The following SPTB variants were observed in gnomAD, a reference collection of about 807,000 sequenced individuals.
The protein encoded by SPTB is spectrin beta chain, erythrocytic.
SPTB carries 45 observed loss-of-function variants against 256.2 expected under a neutral mutation model. The ratio of observed to expected loss-of-function variants is 0.18; its 90% CI spans 0.14 to 0.23. The LOEUF (loss-of-function observed/expected upper bound fraction) is 0.23. Ranked by LOEUF, SPTB falls within the 10% of genes least tolerant of loss-of-function variation. SPTB has a pLI of 1.00. For synonymous variants in SPTB, 1,231 were observed against 1,243.1 expected, an observed-to-expected ratio of 0.99 and a Z score of 0.21; for missense variants, 2,715 against 3,040.4, an observed-to-expected ratio of 0.89 and a Z score of 2.52.
chr14:64,849,238 C>A (rs773549955), intron 1 of SPTB, among the ~76,000 whole-genome samples: 25 of 152,130 alleles, frequency 1.6e-4, no homozygotes, highest in Admixed American at 3.3e-4. Context: ...AAACACATAT[C>A]CTCAATTGGC....
intron 3 of SPTB, among the ~76,000 whole-genome samples, chr14:64,804,096 T>C (rs1195031200): frequency 2.6e-5 from 4 of 152,226 alleles, no homozygotes; most frequent in African/African-American, 9.6e-5. Context: ...CCTTACCATG[T>C]GCCAGGCACA....
At chr14:64,787,737 AT>A (rs1433681857) in intron 15 of SPTB, among the ~76,000 whole-genome samples, 1 of 152,268 alleles carries the variant, frequency 6.6e-6, no homozygotes, top group Non-Finnish European at 1.5e-5. Context: ...AGTGACTAGC[AT>A]AATCTTAACC....
chr14:64,796,940 C>A lies in SPTB; in HGVS notation c.1183-225G>T, dbSNP rs193259708. Among the ~76,000 whole-genome samples the A allele has an allele frequency of 2.6e-5, 4 of 152,218 alleles. No homozygotes were observed. Among genetic ancestry groups the A allele is most frequent in the Admixed American group, 2.6e-4 (4 of 15,294 alleles). Reference sequence around the variant, plus strand: ...TGCTCATGAGTCTCACTTCCCTCTTCCCCTAAACCTGCCTCAGACTCTTGG... The same window carrying A: ...TGCTCATGAGTCTCACTTCCCTCTTACCCTAAACCTGCCTCAGACTCTTGG... On this transcript the variant is annotated intron_variant, in intron 10 of 35. Coordinates refer to ENST00000644917, the MANE Select transcript of SPTB (RefSeq NM_001355436.2). This position sits in a 1 kb window ranked among gnomAD's most constrained non-coding sequence, Gnocchi z 4.1.
Position 64,809,262 on chromosome 14 carries a change from CAAA to C in SPTB, c.149-4175_149-4173del, listed in dbSNP as rs57245539. On this transcript the variant is annotated intron_variant, in intron 2 of 35. Transcript: ENST00000644917. The stretch of plus-strand genomic sequence containing the variant: ...GGGCAACAACAGCGAAACTTTGTAT[CAAA>C]AAAAAAAAAAAAAAAAAAGGCCAAA... Among the ~76,000 whole-genome samples, 390 of 91,028 alleles carry C rather than the reference CAAA, an allele frequency of 4.3e-3. 3 individuals are homozygous for C. Among genetic ancestry groups the C allele is most frequent in the Middle Eastern group, 0.011 (2 of 182 alleles). The allele number at this position is 91,028 out of a possible 152,430, so 59.7% of individuals were successfully genotyped here.
Position 64,826,805 on chromosome 14 carries a change from G to A in SPTB, c.-51-3660C>T, listed in dbSNP as rs1284998381. ...CCCGTCTAGCAGCTCTAAATGCACA[G>A]TCCAGAGTCATCCTTACCTGCCTTC... is the stretch of plus-strand genomic sequence containing the variant. On this transcript the variant is annotated intron_variant, in intron 1 of 35. Transcript: ENST00000644917. This position sits in a 1 kb window ranked among gnomAD's most constrained non-coding sequence, Gnocchi z 4.4. Among the ~76,000 whole-genome samples the A allele has an allele frequency of 6.6e-6, 1 of 152,042 alleles. No homozygotes were observed. Among genetic ancestry groups the A allele is most frequent in the East Asian group, 1.9e-4 (1 of 5,186 alleles).
At chr14:64,878,685 A>G (rs1315111519) in intron 1 of SPTB, among the ~76,000 whole-genome samples, 10 of 152,106 alleles carry the variant, frequency 6.6e-5, no homozygotes, top group Non-Finnish European at 1.3e-4. Flanking sequence ...ACCTCCAGGC[A>G]GGGGTTTTGC....
rs1417856564 is a variant in SPTB, at chr14:64,874,430, T to C, written c.-52+5362A>G. 2.0e-5 allele frequency among the ~76,000 whole-genome samples: 3 copies of C among 152,352 alleles called. No homozygotes were observed. The East Asian group carries it at 5.8e-4, about 29-fold the overall frequency. ...GCACATAACAGTGTAAGACACGTGG[T>C]AGACACCCAATGTCTGCTCTTTTTG... is the stretch of plus-strand genomic sequence containing the variant. On this transcript the variant is annotated intron_variant, in intron 1 of 35. Transcript: ENST00000644917.
chr14:64,803,832 C>T, intron 3 of SPTB, 52 bp from the exon 4 acceptor site: 4 of 1,549,532 alleles, frequency 2.6e-6, no homozygotes, highest in African/African-American at 1.4e-5. Flanking sequence ...ACAGTCATCC[C>T]AGAGGCTGCA....
At chr14:64,839,110 C>T (rs569353959) in intron 1 of SPTB, among the ~76,000 whole-genome samples, 37 of 152,038 alleles carry the variant, frequency 2.4e-4, no homozygotes, top group African/African-American at 7.0e-4. Flanking sequence ...CCAGCCTGGG[C>T]GACACGAGTG....
intron 13 of SPTB, 37 bp downstream of exon 13, chr14:64,794,430 T>C (rs373851243): frequency 3.0e-5 from 49 of 1,613,520 alleles, no homozygotes; most frequent in East Asian, 4.5e-5. Context: ...GGCTCTGGCA[T>C]TGGAAGCCTC....
intron 15 of SPTB, among the ~76,000 whole-genome samples, chr14:64,789,061 C>T (rs1242244465): frequency 6.6e-6 from 1 of 152,116 alleles, no homozygotes; most frequent in African/African-American, 2.4e-5. Flanking sequence ...TGACAAAGAA[C>T]TATGCAGGCT....
In SPTB at chr14:64,824,273, G is replaced by A. The variant is rs1053761605; in HGVS notation, c.-51-1128C>T. On this transcript the variant is annotated intron_variant, in intron 1 of 35. Transcript: ENST00000644917. This position sits in a 1 kb window ranked among gnomAD's most constrained non-coding sequence, Gnocchi z 5.7. ...CTTGGAGGTACCCATGAAGGGACAG[G>A]TGGGAAAGGACAAGAGTCCAAGCAA... 6.6e-5 allele frequency among the ~76,000 whole-genome samples: 10 copies of A among 152,172 alleles called. No individual in the cohort carries two copies. The highest frequency in any genetic ancestry group is 1.5e-4 in the Non-Finnish European group (10 of 68,030).
In SPTB at chr14:64,766,782, C is replaced by T; in HGVS notation, c.6289G>A (p.Glu2097Lys). 5 of 1,612,364 alleles carry T rather than the reference C, an allele frequency of 3.1e-6. No homozygotes were observed. The highest frequency in any genetic ancestry group is 3.4e-6 in the Non-Finnish European group (4 of 1,179,924). The part of the protein sequence containing the change: ...EETGPQEEEG[E>K]TAGEAPVSHH... ...GAAACTGGAGCCTCCCCTGCTGTCT[C>T]GCCTTCCTCCTCTTGAGGCCTAAGG... The change falls in exon 32 of 36, where the codon GAG becomes AAG. Residue 2097 changes from glutamate (E) to lysine (K), a missense_variant. Transcript: ENST00000644917.
intron 29 of SPTB, among the ~76,000 whole-genome samples, chr14:64,768,555 C>T (rs1013799876): frequency 6.6e-6 from 1 of 152,116 alleles, no homozygotes; most frequent in African/African-American, 2.4e-5. Context: ...CCCCACCTCT[C>T]ATCAGCACCC....
chr14:64,787,202 T>C, intron 15 of SPTB, 42 bp from the exon 16 acceptor site: 1 of 1,598,694 alleles, frequency 6.3e-7, no homozygotes, highest in Admixed American at 1.7e-5. Context: ...AGACACCTTC[T>C]CCCTTAGCTC....
rs1392825459 is a variant in SPTB, at chr14:64,786,707, A to G, written c.3258T>C (p.Ser1086=). 2 of 1,614,142 alleles carry G rather than the reference A, an allele frequency of 1.2e-6. No individual in the cohort carries two copies. Among genetic ancestry groups the G allele is most frequent in the East Asian group, 4.5e-5 (2 of 44,878 alleles). ...WLSITQKAVA[S]EDMPESLPEA... is the part of the protein sequence containing the mutation. ...CTGGGAGGGATTCGGGCATGTCCTC[A>G]GAGGCCACAGCCTTCTGGGTGATGG... is the stretch of plus-strand genomic sequence containing the variant. The change falls in exon 16 of 36, where the codon TCT becomes TCC. Residue 1086 remains serine, a synonymous_variant. Coordinates refer to ENST00000644917, the MANE Select transcript of SPTB (RefSeq NM_001355436.2). The surrounding 1 kb of genome is among the most constrained non-coding windows in gnomAD (Gnocchi z 5.6).
At chr14:64,774,724 A>T (rs567187299) in intron 23 of SPTB, among the ~76,000 whole-genome samples, 197 bp from the exon 24 acceptor site, 21 of 150,830 alleles carry the variant, frequency 1.4e-4, no homozygotes, top group African/African-American at 4.4e-4. Context: ...TCCTCTCTGG[A>T]CTCCCCTGAT....
In SPTB at chr14:64,749,241, G is replaced by A. The variant is rs762351158; in HGVS notation, c.*65C>T. Reference sequence around the variant, plus strand: ...CGACCGGCGGGCGGCGGCGAGAGGAGGCCAAGGCCTGGGCTGCCCGGTCTC... The same window carrying A: ...CGACCGGCGGGCGGCGGCGAGAGGAAGCCAAGGCCTGGGCTGCCCGGTCTC... On this transcript the variant is annotated 3_prime_UTR_variant, in exon 36 of 36. Transcript: ENST00000644917. The surrounding 1 kb of genome is among the most constrained non-coding windows in gnomAD (Gnocchi z 4.7). 27 of 1,527,196 alleles carry A rather than the reference G, an allele frequency of 1.8e-5. No homozygotes were observed. The highest frequency in any genetic ancestry group is 2.3e-5 in the Non-Finnish European group (26 of 1,139,516). The allele number at this position is 1,527,196 out of a possible 1,614,324, so 94.6% of individuals were successfully genotyped here. A position where few individuals can be genotyped will look rare whatever the true frequency, so the allele number is the denominator to read the frequency against.
intron 15 of SPTB, among the ~76,000 whole-genome samples, chr14:64,789,429 A>C (rs1358867981): frequency 6.6e-6 from 1 of 152,178 alleles, no homozygotes; most frequent in African/African-American, 2.4e-5. Context: ...AGACATAAAC[A>C]AGTCTATAAT....
Sources: gnomAD v4.1 joint callset for allele counts (sites outside exome capture counted in the v4.1 genomes callset) on GRCh38, gnomAD v4.1.1 for gene constraint, Gnocchi (gnomAD v3.1) non-coding constraint, MANE v1.5 for transcripts, NCBI Gene and HGNC (gene_info 2026-07-23, HGNC 2026-07-21) for gene names.